Variants in HMCN1 observed in about 807,000 individuals in gnomAD.
HMCN1 encodes the protein hemicentin 1, also known as hemicentin-1.
In HMCN1, 321 loss-of-function variants were observed where a neutral mutation model predicts 625.9. The ratio of observed to expected loss-of-function variants is 0.51; its 90% CI spans 0.47 to 0.56. The LOEUF (loss-of-function observed/expected upper bound fraction) is 0.56. Among genes scored for constraint, HMCN1 ranks in the 20% least tolerant of loss-of-function variants. HMCN1 has a pLI of 0.00. For missense variants in HMCN1, 6,588 were observed against 6,887.3 expected (o/e 0.96, Z 1.54); for synonymous variants, 2,425 against 2,417.6 (o/e 1.00, Z -0.09).
chr1:185,939,758 A>C (rs1351059381), intron 11 of HMCN1, among the ~76,000 whole-genome samples: 1 of 152,116 alleles, frequency 6.6e-6, no homozygotes, highest in East Asian at 1.9e-4. Flanking sequence ...TATCGCTTTC[A>C]TATTTAAAAT....
chr1:185,884,209 G>T (rs1278439047), intron 4 of HMCN1, among the ~76,000 whole-genome samples: 1 of 151,778 alleles, frequency 6.6e-6, no homozygotes, highest in Non-Finnish European at 1.5e-5. Flanking sequence ...AAGAACTCAT[G>T]TAATTACTGG....
intron 30 of HMCN1, among the ~76,000 whole-genome samples, chr1:186,011,686 T>C (rs746071066): frequency 6.6e-6 from 1 of 152,208 alleles, no homozygotes; most frequent in Non-Finnish European, 1.5e-5. Flanking sequence ...TGAAGGAATC[T>C]AGATCTCACT....
intron 34 of HMCN1, 51 bp downstream of exon 34, chr1:186,018,403 T>A (rs1208297360): frequency 2.0e-6 from 3 of 1,464,846 alleles, no homozygotes; most frequent in South Asian, 2.3e-5. Context: ...ATTTATGCAT[T>A]GTTTTATTAT....
At chr1:185,897,682 C>T (rs897405604) in intron 4 of HMCN1, among the ~76,000 whole-genome samples, 6 of 152,198 alleles carry the variant, frequency 3.9e-5, no homozygotes, top group African/African-American at 1.4e-4. Context: ...TGACCATCTT[C>T]TTTGCCTTTA....
At chr1:185,775,125 GACTAA>G (rs1656505232) in intron 1 of HMCN1, among the ~76,000 whole-genome samples, 1 of 152,150 alleles carries the variant, frequency 6.6e-6, no homozygotes, top group African/African-American at 2.4e-5. Flanking sequence ...GATTTTTAGT[GACTAA>G]ACTGAGATTA....
At position 185,965,843 on chromosome 1, in the gene HMCN1, G is replaced by C. The variant is rs1443117194; in HGVS notation, c.2140G>C (p.Ala714Pro). The C allele has an allele frequency of 1.2e-6, 2 of 1,612,542 alleles. No homozygotes were observed. The highest frequency in any genetic ancestry group is 1.7e-6 in the Non-Finnish European group (2 of 1,178,926). The change falls in exon 14 of 107, where the codon GCC becomes CCC. Residue 714 changes from alanine to proline, a missense_variant. This residue lies in a region of HMCN1 where 4,628 missense variants were observed against 4,853.1 expected (regional missense o/e 0.95). Transcript: ENST00000271588. ...GGTAGTTCAGAGTGAGCTCTTGGTTGCCCTTGGGGATATAACCGTTATGGA... is the reference window on the plus strand; with the variant it reads ...GGTAGTTCAGAGTGAGCTCTTGGTTCCCCTTGGGGATATAACCGTTATGGA... ...LMVVQSELLV[A>P]LGDITVMECK... is the part of the protein sequence containing the mutation.
At position 186,001,306 on chromosome 1, in the gene HMCN1, G is replaced by A; in HGVS notation, c.4078G>A (p.Val1360Ile). 1 of 1,610,996 alleles carries A rather than the reference G, an allele frequency of 6.2e-7. No individual in the cohort carries two copies. The highest frequency in any genetic ancestry group is 8.5e-7 in the Non-Finnish European group (1 of 1,177,900). ...CTCCTCTCTTTTTGCAGTTCCTCCA[G>A]TAATTAAAGATAAAGAACAAGTTAC... Reference protein sequence around the residue: ...KYNLKVHVPPVIKDKEQVTNV... With the variant: ...KYNLKVHVPPIIKDKEQVTNV... Residue 1360 changes from valine (V) to isoleucine (I), a missense_variant, in exon 27 of 107, where the codon GTA becomes ATA. Val to Ile is a conservative substitution (Grantham distance 29). Transcript: ENST00000271588.
intron 10 of HMCN1, among the ~76,000 whole-genome samples, chr1:185,930,919 C>CAT (rs1433284992): frequency 2.6e-5 from 4 of 151,122 alleles, no homozygotes; most frequent in African/African-American, 9.7e-5. Context: ...CACACACACA[C>CAT]ACACACACAC....
At chr1:186,095,608 T>C in intron 68 of HMCN1, 87 bp downstream of exon 68, 1 of 1,412,688 alleles carries the variant, frequency 7.1e-7, no homozygotes, top group South Asian at 1.4e-5. Flanking sequence ...TGAGAATCAG[T>C]TGCTGTGAGA....
intron 1 of HMCN1, among the ~76,000 whole-genome samples, chr1:185,746,605 CTTTT>C (rs59992589): frequency 4.5e-5 from 6 of 132,338 alleles, no homozygotes; most frequent in Non-Finnish European, 6.3e-5. Context: ...TTTCCTTTTC[CTTTT>C]TTTTTTTTTT....
intron 5 of HMCN1, among the ~76,000 whole-genome samples, chr1:185,910,348 T>A (rs16824739): frequency 6.6e-6 from 1 of 152,108 alleles, no homozygotes; most frequent in African/African-American, 2.4e-5. Context: ...TCAAGACTTA[T>A]ACAAGTTTGA....
At chr1:185,833,652 G>A (rs1571419419) in intron 1 of HMCN1, among the ~76,000 whole-genome samples, 1 of 151,946 alleles carries the variant, frequency 6.6e-6, no homozygotes, top group Admixed American at 6.6e-5. Flanking sequence ...AGATTCATAG[G>A]CAGCATTAGA....
Position 186,078,125 on chromosome 1 carries a change from T to A in HMCN1, c.8504T>A (p.Ile2835Asn). ...TTTTCAGGAGGGCGAGTGTTGCAGA[T>A]TCCTCGGGCTAAAGTAGAAGATGCT... ...LILPGGRVLQIPRAKVEDAGR... is the reference protein window; with the variant it reads ...LILPGGRVLQNPRAKVEDAGR... Residue 2835 changes from isoleucine (I) to asparagine (N), a missense_variant, in exon 55 of 107, where the codon ATT becomes AAT. Around this residue, in one of 3 missense-constraint regions of HMCN1, gnomAD observed 4,628 missense variants for 4,853.1 expected, o/e 0.95. Transcript: ENST00000271588. 1 of 1,613,482 alleles carries A rather than the reference T, an allele frequency of 6.2e-7. No individual in the cohort carries two copies.
intron 48 of HMCN1, among the ~76,000 whole-genome samples, chr1:186,062,960 G>A (rs1024464563): frequency 5.3e-5 from 8 of 149,676 alleles, no homozygotes; most frequent in Non-Finnish European, 8.9e-5. Flanking sequence ...TTAAGATAAA[G>A]GCCTCCGGTT....
At chr1:186,040,356 T>A (rs1279373618) in intron 39 of HMCN1, among the ~76,000 whole-genome samples, 6 of 152,104 alleles carry the variant, frequency 3.9e-5, no homozygotes, top group Non-Finnish European at 8.8e-5. Context: ...AAATAAAATT[T>A]GAGTCCTAGA....
intron 2 of HMCN1, among the ~76,000 whole-genome samples, chr1:185,856,729 A>G (rs1296625937): frequency 2.0e-5 from 3 of 152,162 alleles, no homozygotes; most frequent in Non-Finnish European, 4.4e-5. Context: ...ATGAGTCTAT[A>G]AAAAAGTTTC....
At chr1:185,911,590 CT>C (rs968125034) in intron 5 of HMCN1, 83 bp from the exon 6 acceptor site, 12 of 1,001,640 alleles carry the variant, frequency 1.2e-5, no homozygotes, top group Non-Finnish European at 1.8e-5. Context: ...TGATCATGCT[CT>C]TAGTTTTATG....
chr1:185,968,300 C>T (rs181209783), intron 14 of HMCN1, among the ~76,000 whole-genome samples: 11 of 152,190 alleles, frequency 7.2e-5, no homozygotes, highest in Non-Finnish European at 1.3e-4. Context: ...TCTTGTATTA[C>T]ACTACATTAG....
intron 2 of HMCN1, among the ~76,000 whole-genome samples, chr1:185,852,577 TACACACAC>T (rs67719442): frequency 0.056 from 7,567 of 135,534 alleles, 413 homozygotes; most frequent in African/African-American, 0.14. Context: ...ACAAATATCC[TACACACAC>T]ACACACACAC....
Sources: gnomAD v4.1 joint callset for allele counts (sites outside exome capture counted in the v4.1 genomes callset) on GRCh38, gnomAD v4.1.1 for gene constraint, gnomAD v4.1.1 regional missense constraint, MANE v1.5 for transcripts, NCBI Gene and HGNC (gene_info 2026-07-23, HGNC 2026-07-21) for gene names.